DTNA: variants seen among roughly 807,000 people sequenced by gnomAD.
DTNA encodes dystrobrevin alpha.
In DTNA, 43 loss-of-function variants were observed where a neutral mutation model predicts 100.7. The ratio of observed to expected loss-of-function variants is 0.43; its 90% CI spans 0.33 to 0.55. The LOEUF (loss-of-function observed/expected upper bound fraction) is 0.55, where lower values mean the gene tolerates loss of function less well. Ranked by LOEUF, DTNA falls within the 20% of genes least tolerant of loss-of-function variation. The pLI is 0.04. For synonymous variants in DTNA, 349 were observed against 347.9 expected (o/e 1.00, Z -0.04); for missense variants, 798 against 953.9 (o/e 0.84, Z 2.15).
At chr18:34,670,127 T>C (rs943237836) in intron 1 of DTNA, among the ~76,000 whole-genome samples, 4 of 152,194 alleles carry the variant, frequency 2.6e-5, no homozygotes, top group African/African-American at 9.7e-5. Context: ...TGTTCATTTC[T>C]TTTTATGCTT....
chr18:34,816,789 A>T (rs976057735), intron 7 of DTNA, among the ~76,000 whole-genome samples: 139 of 152,300 alleles, frequency 9.1e-4, no homozygotes, highest in Middle Eastern at 3.4e-3. Flanking sequence ...GTATTTCTTT[A>T]ATATACATTG....
chr18:34,661,522 C>T (rs2075182649), intron 1 of DTNA, among the ~76,000 whole-genome samples: 1 of 152,178 alleles, frequency 6.6e-6, no homozygotes, highest in Non-Finnish European at 1.5e-5. Context: ...GTCTAATCTG[C>T]ACTGGTAGTA....
intron 1 of DTNA, among the ~76,000 whole-genome samples, chr18:34,551,045 G>T (rs1190213209): frequency 6.6e-6 from 1 of 152,068 alleles, no homozygotes; most frequent in Non-Finnish European, 1.5e-5. Context: ...TATTTACTTT[G>T]ATATGAAACA....
At chr18:34,818,705 AGTTTT>A (rs2095646311) in intron 8 of DTNA, 1 of 1,037,204 alleles carries the variant, frequency 9.6e-7, no homozygotes, top group Admixed American at 4.5e-5. Flanking sequence ...AATTATTGTT[AGTTTT>A]ATTTTTCTTA....
intron 17 of DTNA, chr18:34,867,445 C>G: frequency 1.6e-6 from 2 of 1,224,630 alleles, no homozygotes; most frequent in Non-Finnish European, 2.0e-6. Flanking sequence ...TGTATAATTG[C>G]CCATGAATGC....
chr18:34,629,299 C>A (rs963187671), intron 1 of DTNA, among the ~76,000 whole-genome samples: 6 of 152,162 alleles, frequency 3.9e-5, no homozygotes, highest in African/African-American at 1.4e-4. Flanking sequence ...TCAACTACAG[C>A]AATACTTACC....
intron 1 of DTNA, among the ~76,000 whole-genome samples, chr18:34,552,723 T>C (rs1601766860): frequency 1.3e-5 from 2 of 151,680 alleles, no homozygotes; most frequent in Non-Finnish European, 2.9e-5. Flanking sequence ...TTTTTTATGG[T>C]TGCATAGTAT....
chr18:34,883,829 C>T (rs1223128307), intron 21 of DTNA, among the ~76,000 whole-genome samples: 1 of 152,216 alleles, frequency 6.6e-6, no homozygotes, highest in Non-Finnish European at 1.5e-5. Context: ...TTCCATTTGC[C>T]TTTTCAGTTT....
At chr18:34,546,565 A>G (rs939260472) in intron 1 of DTNA, among the ~76,000 whole-genome samples, 2 of 152,114 alleles carry the variant, frequency 1.3e-5, no homozygotes, top group African/African-American at 4.8e-5. Context: ...ATCCCAAGGA[A>G]ACTAAAAAAT....
At chr18:34,578,505 G>A (rs966168588) in intron 1 of DTNA, among the ~76,000 whole-genome samples, 2 of 151,494 alleles carry the variant, frequency 1.3e-5, no homozygotes, top group South Asian at 2.1e-4. Context: ...TGTTTTTATT[G>A]CATTTGCTTT....
chr18:34,778,807 T>TTTGTTG (rs368572376), intron 3 of DTNA, among the ~76,000 whole-genome samples: 15 of 150,882 alleles, frequency 9.9e-5, no homozygotes, highest in African/African-American at 3.4e-4. Context: ...ATAGGGAAAG[T>TTTGTTG]TTGTTGTTGT....
At chr18:34,786,042 C>A (rs1658963540) in intron 3 of DTNA, among the ~76,000 whole-genome samples, 1 of 152,186 alleles carries the variant, frequency 6.6e-6, no homozygotes, top group Non-Finnish European at 1.5e-5. Context: ...TCCTCACACC[C>A]CAGTTCTGTG....
At chr18:34,590,552 G>A (rs1490900946) in intron 1 of DTNA, among the ~76,000 whole-genome samples, 2 of 152,178 alleles carry the variant, frequency 1.3e-5, no homozygotes, top group Non-Finnish European at 2.9e-5. Context: ...TAAGGCCTGT[G>A]TTTGAACACC....
At chr18:34,577,718 A>T (rs2048240051) in intron 1 of DTNA, among the ~76,000 whole-genome samples, 1 of 152,226 alleles carries the variant, frequency 6.6e-6, no homozygotes, top group African/African-American at 2.4e-5. Flanking sequence ...TACTTGACTT[A>T]GAATAGTAGT....
intron 1 of DTNA, among the ~76,000 whole-genome samples, chr18:34,666,801 A>G (rs1346472935): frequency 2.0e-5 from 3 of 152,162 alleles, no homozygotes; most frequent in Non-Finnish European, 1.5e-5. Context: ...TGGTACCAGT[A>G]CCATGCTGTT....
intron 1 of DTNA, among the ~76,000 whole-genome samples, chr18:34,655,818 C>A (rs1317087044): frequency 6.6e-6 from 1 of 152,130 alleles, no homozygotes; most frequent in African/African-American, 2.4e-5. Context: ...GCCAGTCCTG[C>A]CAGGAGACTC....
rs1286582469 is a variant in DTNA at position 34,583,300 on chromosome 18, G to A, written c.-2+89786G>A. ...TTTTAGCATTGGGTGTACTTGTGGA[G>A]AAAAATGAAATATCATGTTGCCCCC... On this transcript the variant is annotated intron_variant, in intron 1 of 19. Coordinates refer to the DTNA transcript ENST00000283365. 1.0e-4 allele frequency among the ~76,000 whole-genome samples: 15 copies of A among 150,218 alleles called. No individual in the cohort carries two copies. The East Asian group carries it at 2.9e-3, about 29-fold the overall frequency.
At chr18:34,876,392 T>C (rs185124106) in intron 18 of DTNA, among the ~76,000 whole-genome samples, 88 of 152,304 alleles carry the variant, frequency 5.8e-4, no homozygotes, top group Non-Finnish European at 6.9e-4. Flanking sequence ...ATTTCCAGTA[T>C]ATGTGTCAAT....
At chr18:34,533,428 G>A (rs550175414) in intron 1 of DTNA, among the ~76,000 whole-genome samples, 78 of 151,534 alleles carry the variant, frequency 5.1e-4, no homozygotes, top group African/African-American at 1.8e-3. Flanking sequence ...AAGTTTAATG[G>A]CCCCAGTGTC....
Sources: allele counts gnomAD v4.1 joint callset (sites outside exome capture counted in the v4.1 genomes callset), GRCh38; gene constraint gnomAD v4.1.1; transcripts MANE v1.5; gene names NCBI Gene and HGNC (gene_info 2026-07-23, HGNC 2026-07-21).